The following NRF1 variants were observed in gnomAD, a reference collection of about 807,000 sequenced individuals.
The protein encoded by NRF1 is alpha palindromic-binding protein.
NRF1 carries 5 observed loss-of-function variants against 58.5 expected under a neutral mutation model. The ratio of observed to expected loss-of-function variants is 0.09; its 90% CI spans 0.04 to 0.18. The LOEUF (loss-of-function observed/expected upper bound fraction) is 0.18. Ranked by LOEUF, NRF1 falls within the 10% of genes least tolerant of loss-of-function variation. NRF1 has a pLI of 1.00. For synonymous variants in NRF1, 224 were observed against 246.7 expected, an observed-to-expected ratio of 0.91 and a Z score of 0.86; for missense variants, 288 against 657.7, an observed-to-expected ratio of 0.44 and a Z score of 6.15.
chr7:129,667,161 T>C (rs1801941834), intron 2 of NRF1, among the ~76,000 whole-genome samples: 2 of 152,356 alleles, frequency 1.3e-5, no homozygotes, highest in African/African-American at 4.8e-5. Flanking sequence ...TACTAGATAT[T>C]GCTAAATGTC....
In NRF1 at chr7:129,716,922, C is replaced by T. The variant is rs898854689; in HGVS notation, c.1066-297C>T. 2.6e-5 allele frequency among the ~76,000 whole-genome samples: 4 copies of T among 151,114 alleles called. No homozygotes were observed. In the South Asian group the frequency reaches 8.3e-4, roughly 31 times the overall value. ...GTCTTGCTTTCTGTCTCCCATCCAA[C>T]TTGTTTCCAACTCCTCTCAACCCCA... is the stretch of plus-strand genomic sequence containing the variant. On this transcript the variant is annotated intron_variant, in intron 8 of 10. Transcript: ENST00000393232.
intron 10 of NRF1, among the ~76,000 whole-genome samples, chr7:129,747,728 T>A (rs1393899066): frequency 6.6e-6 from 1 of 152,178 alleles, no homozygotes; most frequent in African/African-American, 2.4e-5. Flanking sequence ...GGGAAGCCTT[T>A]AATGGAAATA....
chr7:129,679,001 A>G (rs1460137453), intron 4 of NRF1, among the ~76,000 whole-genome samples: 1 of 152,230 alleles, frequency 6.6e-6, no homozygotes, highest in African/African-American at 2.4e-5. Context: ...ACTTGCAAGT[A>G]CCAGTAAAAT....
chr7:129,716,890 G>A (rs1338838289), intron 8 of NRF1, among the ~76,000 whole-genome samples: 2 of 149,348 alleles, frequency 1.3e-5, no homozygotes, highest in East Asian at 4.0e-4. Context: ...AAAAGGTACA[G>A]TGGAAGGTCT....
At chr7:129,714,033 C>T (rs1444960108) in intron 8 of NRF1, among the ~76,000 whole-genome samples, 1 of 152,144 alleles carries the variant, frequency 6.6e-6, no homozygotes, top group African/African-American at 2.4e-5. Flanking sequence ...GTGGCCCTTT[C>T]TTTGGGGAAG....
chr7:129,619,350 T>TA lies in NRF1; in HGVS notation c.-7+7539dup, dbSNP rs1191977631. Among the ~76,000 whole-genome samples, 88 of 108,728 alleles carry TA rather than the reference T, an allele frequency of 8.1e-4. No individual in the cohort carries two copies. In the East Asian group the frequency reaches 0.01, roughly 13 times the overall value. The allele number at this position is 108,728 out of a possible 152,430, so 71.3% of individuals were successfully genotyped here. The stretch of plus-strand genomic sequence containing the variant: ...CAACATAGCAAGACCTCGTATCTAT[T>TA]AAAAAAAAAAAAATCATTGGGATAA... On this transcript the variant is annotated intron_variant, in intron 1 of 10. Coordinates refer to ENST00000393232, the MANE Select transcript of NRF1 (RefSeq NM_005011.5).
intron 5 of NRF1, among the ~76,000 whole-genome samples, chr7:129,705,586 C>T (rs549937514): frequency 1.6e-4 from 25 of 152,114 alleles, no homozygotes; most frequent in Non-Finnish European, 3.4e-4. Context: ...CCACCAAGCC[C>T]GGCCCTTGTG....
At chr7:129,688,694 G>C (rs1321234826) in intron 4 of NRF1, among the ~76,000 whole-genome samples, 3 of 151,102 alleles carry the variant, frequency 2.0e-5, no homozygotes, top group East Asian at 1.9e-4. Context: ...GAGAGAGACA[G>C]AGAGAGAGAC....
At chr7:129,734,973 C>A in intron 10 of NRF1, 1 of 796,142 alleles carries the variant, frequency 1.3e-6, no homozygotes, top group Non-Finnish European at 1.5e-6. Flanking sequence ...GGCTGTGGAT[C>A]CTGGGGAAAG....
chr7:129,660,970 GT>G (rs1801767730), intron 2 of NRF1, among the ~76,000 whole-genome samples: 1 of 151,332 alleles, frequency 6.6e-6, no homozygotes, highest in African/African-American at 2.5e-5. Context: ...ATATCCAGGA[GT>G]TTTCATACAT....
At chr7:129,625,748 C>A (rs1425930955) in intron 1 of NRF1, among the ~76,000 whole-genome samples, 3 of 129,710 alleles carry the variant, frequency 2.3e-5, no homozygotes, top group Admixed American at 2.0e-4. Context: ...GTGGTGCGAT[C>A]TCAGCTCACT....
intron 1 of NRF1, among the ~76,000 whole-genome samples, chr7:129,617,403 C>T (rs929731090): frequency 3.3e-5 from 5 of 152,072 alleles, no homozygotes; most frequent in African/African-American, 1.2e-4. Flanking sequence ...AAACTGTTTG[C>T]GCAGTGGACT....
intron 4 of NRF1, among the ~76,000 whole-genome samples, chr7:129,684,101 T>C (rs1802390833): frequency 6.6e-6 from 1 of 152,044 alleles, no homozygotes; most frequent in Non-Finnish European, 1.5e-5. Flanking sequence ...AAACTCCATC[T>C]AGCTAAAGAA....
intron 1 of NRF1, among the ~76,000 whole-genome samples, chr7:129,636,722 C>T (rs1344299711): frequency 1.3e-5 from 2 of 152,154 alleles, no homozygotes; most frequent in Non-Finnish European, 2.9e-5. Context: ...TTTTCTTCCA[C>T]TTGTCTTTTC....
At chr7:129,626,172 G>T (rs896267170) in intron 1 of NRF1, among the ~76,000 whole-genome samples, 2 of 152,164 alleles carry the variant, frequency 1.3e-5, no homozygotes, top group African/African-American at 4.8e-5. Context: ...ATTGATTTGT[G>T]AAGATATAAG....
At chr7:129,684,979 T>G (rs1205771386) in intron 4 of NRF1, among the ~76,000 whole-genome samples, 1 of 152,168 alleles carries the variant, frequency 6.6e-6, no homozygotes, top group East Asian at 1.9e-4. Flanking sequence ...GAAGTCAACA[T>G]AACTTCAGGG....
chr7:129,671,663 G>A (rs1782555684), intron 3 of NRF1, 120 bp downstream of exon 3: 1 of 606,204 alleles, frequency 1.6e-6, no homozygotes. Context: ...GATGACAGAT[G>A]TAGACTTAAA....
intron 4 of NRF1, among the ~76,000 whole-genome samples, chr7:129,686,813 C>T (rs1429770602): frequency 1.3e-5 from 2 of 152,142 alleles, no homozygotes; most frequent in East Asian, 1.9e-4. Context: ...GTGACAAAGG[C>T]GTAAGCTATG....
At chr7:129,725,210 A>G (rs1803423159) in intron 9 of NRF1, among the ~76,000 whole-genome samples, 1 of 152,220 alleles carries the variant, frequency 6.6e-6, no homozygotes, top group Admixed American at 6.5e-5. Flanking sequence ...ATGGCTGCAC[A>G]GCATTCTGAG....
Sources: allele counts gnomAD v4.1 joint callset (sites outside exome capture counted in the v4.1 genomes callset), GRCh38; gene constraint gnomAD v4.1.1; transcripts MANE v1.5; gene names NCBI Gene and HGNC (gene_info 2026-07-23, HGNC 2026-07-21).